RBFOX3: variants seen among roughly 807,000 people sequenced by gnomAD.
The protein encoded by RBFOX3 is RNA binding protein fox-1 homolog 3.
In RBFOX3, 17 loss-of-function variants were observed where a neutral mutation model predicts 48.7. The observed-to-expected ratio is 0.35, with a 90% CI of 0.24 to 0.52. The LOEUF is 0.52. RBFOX3 is among the 20% of genes least tolerant of loss of function. The pLI is 0.94. For missense variants in RBFOX3, 382 were observed against 497.5 expected, an observed-to-expected ratio of 0.77 and a Z score of 2.21; for synonymous variants, 212 against 209.5, an observed-to-expected ratio of 1.01 and a Z score of -0.10.
intron 2 of RBFOX3, among the ~76,000 whole-genome samples, chr17:79,342,710 T>A (rs1332414596): frequency 1.3e-5 from 2 of 152,216 alleles, no homozygotes; most frequent in Admixed American, 6.5e-5. Context: ...GTGTGGGTCC[T>A]AAAATCCTAA....
intron 1 of RBFOX3, among the ~76,000 whole-genome samples, chr17:79,517,538 G>A (rs930397961): frequency 5.5e-5 from 4 of 72,580 alleles, no homozygotes; most frequent in Non-Finnish European, 7.6e-5. Context: ...CTTTGGAAGC[G>A]GGAGTGGGGT....
intron 3 of RBFOX3, among the ~76,000 whole-genome samples, chr17:79,261,544 G>A (rs1170210073): frequency 2.0e-5 from 3 of 152,174 alleles, no homozygotes; most frequent in African/African-American, 4.8e-5. Flanking sequence ...CTCTCTCCCC[G>A]GCACAGGATT....
chr17:79,491,222 G>T (rs528828570), intron 1 of RBFOX3, among the ~76,000 whole-genome samples: 2 of 143,292 alleles, frequency 1.4e-5, no homozygotes, highest in Admixed American at 1.4e-4. Context: ...TTGGACAGAA[G>T]GGGTAGGGGA....
chr17:79,647,060 C>CGTGT, the RBFOX3 span, among the ~76,000 whole-genome samples: 7,804 of 149,508 alleles, frequency 0.052, 414 homozygotes, highest in Admixed American at 0.13. Context: ...TTTTCACTGC[C>CGTGT]GTGTGTGTGT....
intron 1 of RBFOX3, chr17:79,603,865 A>C (rs1241404818): frequency 6.6e-6 from 1 of 152,224 alleles, no homozygotes; most frequent in Admixed American, 6.5e-5. Flanking sequence ...AAGGCTGGGA[A>C]GGGTGCACGC....
chr17:79,366,309 G>A (rs1305959847), intron 2 of RBFOX3, among the ~76,000 whole-genome samples: 2 of 152,220 alleles, frequency 1.3e-5, no homozygotes, highest in Non-Finnish European at 2.9e-5. Flanking sequence ...GAACAGCAGA[G>A]CCCAGCCAGT....
At chr17:79,161,709 C>T (rs985331950) in intron 4 of RBFOX3, among the ~76,000 whole-genome samples, 31 of 152,218 alleles carry the variant, frequency 2.0e-4, no homozygotes, top group African/African-American at 7.2e-4. Context: ...GATTCTCCTG[C>T]CTCAGCCTCC....
At chr17:79,563,799 G>A (rs1485608369) in intron 1 of RBFOX3, among the ~76,000 whole-genome samples, 4 of 152,128 alleles carry the variant, frequency 2.6e-5, no homozygotes, top group Non-Finnish European at 5.9e-5. Flanking sequence ...ATTTGCTTGT[G>A]CAATACATGT....
At chr17:79,355,787 G>T (rs1568099641) in intron 2 of RBFOX3, among the ~76,000 whole-genome samples, 2 of 152,164 alleles carry the variant, frequency 1.3e-5, no homozygotes, top group East Asian at 3.9e-4. Context: ...CACCATGTTG[G>T]CCAGGCTGGT....
chr17:79,414,783 G>A (rs1021835493), intron 2 of RBFOX3, among the ~76,000 whole-genome samples: 9 of 149,972 alleles, frequency 6.0e-5, no homozygotes, highest in Middle Eastern at 3.2e-3. Context: ...CCGCTGGCGC[G>A]AACAGGCTCT....
intron 3 of RBFOX3, among the ~76,000 whole-genome samples, chr17:79,296,805 T>TCCTC (rs1395471271): frequency 7.2e-6 from 1 of 138,666 alleles, no homozygotes; most frequent in African/African-American, 2.7e-5. Context: ...CCTCTTTTCC[T>TCCTC]CCTCCCCACT....
chr17:79,132,812 A>C (rs1430273831), intron 4 of RBFOX3: 1 of 152,218 alleles, frequency 6.6e-6, no homozygotes, highest in Non-Finnish European at 1.5e-5. Context: ...GGAAGAGAGC[A>C]CCCAACTCCT....
chr17:79,542,092 G>A (rs1410940983), intron 1 of RBFOX3, among the ~76,000 whole-genome samples: 1 of 150,866 alleles, frequency 6.6e-6, no homozygotes, highest in African/African-American at 2.4e-5. Flanking sequence ...ACCTCTATGT[G>A]AGAGGCGTTT....
intron 2 of RBFOX3, among the ~76,000 whole-genome samples, chr17:79,476,176 G>A (rs2077719084): frequency 6.6e-6 from 1 of 152,146 alleles, no homozygotes; most frequent in East Asian, 1.9e-4. Context: ...CTCCAGCGCT[G>A]GAACTACATC....
At chr17:79,151,310 C>T (rs1014440805) in intron 4 of RBFOX3, among the ~76,000 whole-genome samples, 1 of 149,440 alleles carries the variant, frequency 6.7e-6, no homozygotes, top group African/African-American at 2.5e-5. Flanking sequence ...GGTCAGCTGC[C>T]CCACGGGACG....
intron 1 of RBFOX3, among the ~76,000 whole-genome samples, chr17:79,530,214 A>C (rs1342041660): frequency 6.6e-6 from 1 of 152,078 alleles, no homozygotes; most frequent in Non-Finnish European, 1.5e-5. Flanking sequence ...CCACGGAGAG[A>C]GTGGACTTTG....
At chr17:79,433,713 T>C (rs1555729622) in intron 2 of RBFOX3, among the ~76,000 whole-genome samples, 1 of 144,330 alleles carries the variant, frequency 6.9e-6, no homozygotes, top group African/African-American at 2.5e-5. Context: ...CACACTGACC[T>C]GCAGACCCCA....
In RBFOX3 at chr17:79,596,439, G is replaced by A. The variant is rs1197209725; in HGVS notation, c.-320+14387C>T. ...CCAGCACCAGCCAGGGGTGGGCCAGGGCCTCCGGCACACCCTCCTACCCCT... is the reference window on the plus strand; with the variant it reads ...CCAGCACCAGCCAGGGGTGGGCCAGAGCCTCCGGCACACCCTCCTACCCCT... On this transcript the variant is annotated intron_variant, in intron 1 of 14. Transcript: ENST00000693108. Among the ~76,000 whole-genome samples, 6 of 152,008 alleles carry A rather than the reference G, an allele frequency of 3.9e-5. No homozygotes were observed. The East Asian group carries it at 1.2e-3, about 29-fold the overall frequency.
chr17:79,380,935 T>C (rs148179839), intron 2 of RBFOX3, among the ~76,000 whole-genome samples: 4 of 152,290 alleles, frequency 2.6e-5, no homozygotes, highest in Admixed American at 6.5e-5. Context: ...GAGCCACACA[T>C]ATAATTTTAT....
Sources: gnomAD v4.1 joint callset for allele counts (sites outside exome capture counted in the v4.1 genomes callset) on GRCh38, gnomAD v4.1.1 for gene constraint, MANE v1.5 for transcripts, NCBI Gene and HGNC (gene_info 2026-07-23, HGNC 2026-07-21) for gene names.